CCNY: variants seen among roughly 807,000 people sequenced by gnomAD.
CCNY encodes the protein cyclin-Y.
In CCNY, 19 loss-of-function variants were observed where a neutral mutation model predicts 42.8. The observed-to-expected ratio is 0.44, with a 90% CI of 0.31 to 0.65. The LOEUF (loss-of-function observed/expected upper bound fraction) is 0.65. Ranked by LOEUF, CCNY falls within the 30% of genes least tolerant of loss-of-function variation. The pLI, the probability that CCNY is intolerant of heterozygous loss-of-function variation, is 0.07. For missense variants in CCNY, 370 were observed against 437.3 expected (o/e 0.85, Z 1.37); for synonymous variants, 165 against 162.7 (o/e 1.01, Z -0.11).
intron 3 of CCNY, among the ~76,000 whole-genome samples, chr10:35,328,867 G>T (rs1835908466): frequency 1.3e-5 from 2 of 152,304 alleles, no homozygotes; most frequent in Non-Finnish European, 2.9e-5. Context: ...GGCCTGTTAG[G>T]TGTTACTGTT....
chr10:35,456,823 T>G (rs928092135), intron 1 of CCNY, among the ~76,000 whole-genome samples: 1 of 152,218 alleles, frequency 6.6e-6, no homozygotes, highest in Admixed American at 6.5e-5. Flanking sequence ...GTGATTATCT[T>G]ACTTGCAGAT....
chr10:35,287,310 TAC>T (rs1454417175), intron 3 of CCNY, among the ~76,000 whole-genome samples: 1 of 152,196 alleles, frequency 6.6e-6, no homozygotes, highest in Non-Finnish European at 1.5e-5. Context: ...TTAAATGTTA[TAC>T]ACACACATTT....
At chr10:35,297,783 G>A (rs1835488955) in intron 3 of CCNY, among the ~76,000 whole-genome samples, 1 of 152,104 alleles carries the variant, frequency 6.6e-6, no homozygotes, top group Non-Finnish European at 1.5e-5. Flanking sequence ...CAGCTAACCA[G>A]CGAGGTGAAA....
intron 2 of CCNY, among the ~76,000 whole-genome samples, chr10:35,492,617 C>G (rs921821745): frequency 1.4e-4 from 21 of 152,352 alleles, no homozygotes; most frequent in Admixed American, 8.5e-4. Context: ...TTGCATCTTG[C>G]TCATGGATAG....
At chr10:35,534,983 A>G (rs1234931186) in intron 7 of CCNY, among the ~76,000 whole-genome samples, 1 of 115,026 alleles carries the variant, frequency 8.7e-6, no homozygotes, top group East Asian at 2.7e-4. Flanking sequence ...ACATATATAT[A>G]TATAGATCTA....
chr10:35,473,763 T>A (rs999421806), intron 1 of CCNY, among the ~76,000 whole-genome samples: 5 of 152,294 alleles, frequency 3.3e-5, no homozygotes, highest in African/African-American at 1.2e-4. Flanking sequence ...TTGAAAAACA[T>A]CATAAAAATG....
At chr10:35,517,811 G>A (rs1564443147) in intron 4 of CCNY, among the ~76,000 whole-genome samples, 1 of 152,222 alleles carries the variant, frequency 6.6e-6, no homozygotes, top group African/African-American at 2.4e-5. Context: ...CACCACGCAT[G>A]CCCTTGCCTG....
intron 1 of CCNY, among the ~76,000 whole-genome samples, chr10:35,427,597 A>G (rs945204285): frequency 6.6e-6 from 1 of 152,232 alleles, no homozygotes; most frequent in Non-Finnish European, 1.5e-5. Context: ...GTGTATTTCA[A>G]TGTGATAATA....
intron 5 of CCNY, 52 bp downstream of exon 5, chr10:35,526,051 T>C (rs1652787354): frequency 6.7e-7 from 1 of 1,502,366 alleles, no homozygotes; most frequent in Non-Finnish European, 9.2e-7. Context: ...TCTGTTATGT[T>C]GTTCCTATTT....
intron 1 of CCNY, among the ~76,000 whole-genome samples, chr10:35,344,162 C>T (rs965950000): frequency 6.6e-6 from 1 of 152,026 alleles, no homozygotes; most frequent in Non-Finnish European, 1.5e-5. Context: ...CAGCATTATT[C>T]TAGCCTGTCT....
chr10:35,346,257 A>T (rs181589242), intron 1 of CCNY, among the ~76,000 whole-genome samples: 1 of 152,322 alleles, frequency 6.6e-6, no homozygotes, highest in African/African-American at 2.4e-5. Context: ...CAGGGAGCTC[A>T]GGAGATACCC....
At chr10:35,448,447 G>C (rs547980855) in intron 1 of CCNY, among the ~76,000 whole-genome samples, 47 of 152,284 alleles carry the variant, frequency 3.1e-4, no homozygotes, top group African/African-American at 1.1e-3. Context: ...TAGGTAACAT[G>C]AGGGTAATAT....
intron 3 of CCNY, among the ~76,000 whole-genome samples, chr10:35,309,786 A>G (rs1835660192): frequency 6.6e-6 from 1 of 151,830 alleles, no homozygotes; most frequent in Non-Finnish European, 1.5e-5. Context: ...TCTGGAGTAC[A>G]TGTGTTATTT....
intron 3 of CCNY, among the ~76,000 whole-genome samples, chr10:35,512,447 G>A (rs965001389): frequency 6.6e-6 from 1 of 152,182 alleles, no homozygotes; most frequent in African/African-American, 2.4e-5. Context: ...TCCACAAAGG[G>A]ACTGCGACTG....
At chr10:35,359,591 T>A (rs754473414) in intron 1 of CCNY, among the ~76,000 whole-genome samples, 6 of 152,198 alleles carry the variant, frequency 3.9e-5, no homozygotes, top group Non-Finnish European at 7.3e-5. Flanking sequence ...TCTGCGCGCC[T>A]TGGCCTTCCA....
chr10:35,415,080 G>GT (rs932274017), intron 1 of CCNY, among the ~76,000 whole-genome samples: 69 of 152,086 alleles, frequency 4.5e-4, no homozygotes, highest in African/African-American at 1.7e-3. Context: ...AAGATCAGTA[G>GT]TTTCCTGAGG....
intron 3 of CCNY, among the ~76,000 whole-genome samples, chr10:35,269,685 G>C (rs1311321535): frequency 1.3e-5 from 2 of 148,372 alleles, no homozygotes; most frequent in Non-Finnish European, 3.0e-5. Context: ...CTGGAGTGCA[G>C]TGGCATGATC....
At chr10:35,399,490 A>G (rs1334045297) in intron 1 of CCNY, among the ~76,000 whole-genome samples, 1 of 152,152 alleles carries the variant, frequency 6.6e-6, no homozygotes, top group African/African-American at 2.4e-5. Context: ...CCGACACAGG[A>G]CACAACGCTG....
chr10:35,526,492 GA>G (rs888367572), intron 5 of CCNY, among the ~76,000 whole-genome samples: 15 of 151,610 alleles, frequency 9.9e-5, no homozygotes, highest in Non-Finnish European at 2.1e-4. Context: ...AACAGGGAGT[GA>G]AAAAAAACTC....
Sources: allele counts gnomAD v4.1 joint callset (sites outside exome capture counted in the v4.1 genomes callset), GRCh38; gene constraint gnomAD v4.1.1; transcripts MANE v1.5; gene names NCBI Gene and HGNC (gene_info 2026-07-23, HGNC 2026-07-21).